Variants in NRDC observed in about 807,000 individuals in gnomAD.
The protein encoded by NRDC is nardilysin.
In NRDC, 54 loss-of-function variants were observed where a neutral mutation model predicts 147.1. That is an observed-to-expected ratio of 0.37 (90% confidence interval 0.29 to 0.46). The LOEUF (loss-of-function observed/expected upper bound fraction) is 0.46, where lower values mean the gene tolerates loss of function less well. Ranked by LOEUF, NRDC falls within the 20% of genes least tolerant of loss-of-function variation. The probability of loss-of-function intolerance (pLI) is 1.00; values close to 1 mark genes in which losing one functional copy is unlikely to be tolerated. For synonymous variants in NRDC, 440 were observed against 482.1 expected (o/e 0.91, Z 1.14); for missense variants, 1,082 against 1,370.6 (o/e 0.79, Z 3.33).
At chr1:51,872,399 T>A (rs925002819) in intron 1 of NRDC, among the ~76,000 whole-genome samples, 3 of 152,124 alleles carry the variant, frequency 2.0e-5, no homozygotes, top group Non-Finnish European at 4.4e-5. Context: ...TACTAGCCCA[T>A]CAGCCCACTT....
chr1:51,806,790 T>G lies in NRDC; in HGVS notation c.2110+4A>C. The G allele has an allele frequency of 6.2e-7, 1 of 1,613,002 alleles. No homozygotes were observed. The highest frequency in any genetic ancestry group is 8.5e-7 in the Non-Finnish European group (1 of 1,179,588). ...AGGGAAGTAACAGGAGGGCAACATT[T>G]TACCTTTGGGGATTTTGAATTTGTT... On this transcript the variant is annotated splice_donor_region_variant and intron_variant, in intron 18 of 30. Transcript: ENST00000352171.
At chr1:51,834,232 T>C (rs1680841388) in intron 3 of NRDC, 62 bp from the exon 4 acceptor site, 1 of 1,547,334 alleles carries the variant, frequency 6.5e-7, no homozygotes, top group Non-Finnish European at 8.8e-7. Context: ...TTATCACACA[T>C]GAACTTTCTT....
chr1:51,794,321 C>A (rs1678785643), intron 24 of NRDC, 151 bp downstream of exon 24: 1 of 723,786 alleles, frequency 1.4e-6, no homozygotes, highest in African/African-American at 1.8e-5. Flanking sequence ...ATTTTACCAA[C>A]AGGAGCAATT....
At chr1:51,834,823 A>C (rs1680873943) in intron 3 of NRDC, among the ~76,000 whole-genome samples, 1 of 152,180 alleles carries the variant, frequency 6.6e-6, no homozygotes, top group Non-Finnish European at 1.5e-5. Flanking sequence ...TCACAAACAT[A>C]TATGCAGATT....
chr1:51,820,372 G>A (rs576948573), intron 8 of NRDC, among the ~76,000 whole-genome samples: 1 of 152,246 alleles, frequency 6.6e-6, no homozygotes, highest in Non-Finnish European at 1.5e-5. Context: ...AAACACAGTT[G>A]ATGCAAATTA....
intron 5 of NRDC, 94 bp downstream of exon 5, chr1:51,827,702 A>C: frequency 1.1e-6 from 1 of 925,846 alleles, no homozygotes; most frequent in Non-Finnish European, 1.7e-6. Context: ...AAATATAAAG[A>C]TAAAATGGTC....
In NRDC at chr1:51,878,499, A is replaced by T; in HGVS notation, c.117T>A (p.Ser39=). The change falls in exon 1 of 31, where the codon TCT becomes TCA. Residue 39 remains serine (S), a synonymous_variant. Coordinates refer to ENST00000352171, the MANE Select transcript of NRDC (RefSeq NM_001101662.2). Reference sequence around the variant, plus strand: ...GAATAGGAAAGGGTCTGGCAGCAGCAGAGTCTTCGCACCGACCCCGCGTTT... The same window carrying T: ...GAATAGGAAAGGGTCTGGCAGCAGCTGAGTCTTCGCACCGACCCCGCGTTT... The part of the protein sequence containing the change: ...GIETRGRCED[S]AAARPFPILA... 1.2e-6 allele frequency: 2 copies of T among 1,613,884 alleles called. No individual in the cohort carries two copies. The highest frequency in any genetic ancestry group is 1.1e-5 in the South Asian group (1 of 91,064).
intron 1 of NRDC, among the ~76,000 whole-genome samples, chr1:51,871,219 A>AACTCGGGAAGT (rs1400105350): frequency 6.6e-6 from 1 of 152,132 alleles, no homozygotes; most frequent in Non-Finnish European, 1.5e-5. Flanking sequence ...TTGGAGGCTG[A>AACTCGGGAAGT]GGCACGAGAA....
At position 51,835,364 on chromosome 1, in the gene NRDC, T is replaced by C. The variant is rs569984362; in HGVS notation, c.712+767A>G. Among the ~76,000 whole-genome samples, 8 of 152,076 alleles carry C rather than the reference T, an allele frequency of 5.3e-5. No homozygotes were observed. The East Asian group carries it at 1.6e-3, about 30-fold the overall frequency. On this transcript the variant is annotated intron_variant, in intron 3 of 30. Transcript: ENST00000352171. ...GAGTGAGCCACCGCGCCCGGCCCCG[T>C]GTAAGTTTTATTTAGGTACATTCCA...
intron 1 of NRDC, among the ~76,000 whole-genome samples, chr1:51,870,956 T>C (rs1341223448): frequency 6.6e-6 from 1 of 152,112 alleles, no homozygotes; most frequent in African/African-American, 2.4e-5. Context: ...TGCACTGTTT[T>C]TATCCTAAAA....
In NRDC at chr1:51,878,663, T is replaced by A. The variant is rs966786307; in HGVS notation, c.-48A>T. The A allele has an allele frequency of 9.9e-6, 15 of 1,514,178 alleles. No homozygotes were observed. Among genetic ancestry groups the A allele is most frequent in the Non-Finnish European group, 1.1e-5 (12 of 1,114,122 alleles). 93.8% of individuals were successfully genotyped at this position (1,514,178 alleles called of 1,614,324 possible). A position where few individuals can be genotyped will look rare whatever the true frequency, so the allele number is the denominator to read the frequency against. ...GACATCCCGCTTCCCAGGACCCACC[T>A]CCTCCGCGTTCTAGAGGCGGTGGCG... is the stretch of plus-strand genomic sequence containing the variant. On this transcript the variant is annotated 5_prime_UTR_variant, in exon 1 of 31. Coordinates refer to ENST00000352171, the MANE Select transcript of NRDC (RefSeq NM_001101662.2).
Position 51,847,279 on chromosome 1 carries a change from C to G in NRDC, c.342-6765G>C, listed in dbSNP as rs927153028. Among the ~76,000 whole-genome samples the G allele has an allele frequency of 5.9e-5, 9 of 152,228 alleles. No individual in the cohort carries two copies. In the East Asian group the frequency reaches 1.2e-3, roughly 20 times the overall value. On this transcript the variant is annotated intron_variant, in intron 1 of 30. Coordinates refer to ENST00000352171, the MANE Select transcript of NRDC (RefSeq NM_001101662.2). ...CCCCCAGCTAGACATAAAGGTTCTC[C>G]GAGTCCCCACTAGACTCAGGATCCC... is the stretch of plus-strand genomic sequence containing the variant.
At chr1:51,801,742 T>TA (rs1679213258) in intron 20 of NRDC, among the ~76,000 whole-genome samples, 1 of 152,208 alleles carries the variant, frequency 6.6e-6, no homozygotes, top group Non-Finnish European at 1.5e-5. Flanking sequence ...GTGTTCATCA[T>TA]TTTATCAGTT....
intron 1 of NRDC, among the ~76,000 whole-genome samples, chr1:51,846,721 G>A (rs550482478): frequency 7.2e-5 from 11 of 152,230 alleles, no homozygotes; most frequent in East Asian, 3.8e-4. Context: ...CAACAGCGAT[G>A]GAACTCGACC....
At chr1:51,855,662 T>C (rs950419139) in intron 1 of NRDC, among the ~76,000 whole-genome samples, 1 of 151,852 alleles carries the variant, frequency 6.6e-6, no homozygotes, top group Admixed American at 6.6e-5. Flanking sequence ...AGCTTAAAAA[T>C]ATGTGCTATA....
intron 1 of NRDC, among the ~76,000 whole-genome samples, chr1:51,876,643 A>G (rs1227442812): frequency 1.3e-5 from 2 of 152,184 alleles, no homozygotes; most frequent in Non-Finnish European, 2.9e-5. Context: ...TTGATGAGAA[A>G]GAAAATTTAG....
At position 51,806,859 on chromosome 1, in the gene NRDC, T is replaced by G. The variant is rs1327558965; in HGVS notation, c.2045A>C (p.Lys682Thr). 3.1e-6 allele frequency: 5 copies of G among 1,614,150 alleles called. No homozygotes were observed. Among genetic ancestry groups the G allele is most frequent in the South Asian group, 2.2e-5 (2 of 91,076 alleles). The part of the protein sequence containing the change: ...FDCPETEYPV[K>T]IVNTPQGCLW... Reference sequence around the variant, plus strand: ...GCAACCTTGTGGAGTATTCACAATTTTAACTGGGTATTCTGTTTCCGGGCA... The same window carrying G: ...GCAACCTTGTGGAGTATTCACAATTGTAACTGGGTATTCTGTTTCCGGGCA... Residue 682 changes from lysine to threonine, a missense_variant, in exon 18 of 31, where the codon AAA becomes ACA. Physicochemically the swap from Lys to Thr is moderately conservative, Grantham distance 78. Around this residue, in one of 3 missense-constraint regions of NRDC, gnomAD observed 635 missense variants for 923.8 expected, o/e 0.69. Transcript: ENST00000352171.
At chr1:51,863,851 C>T (rs949536897) in intron 1 of NRDC, among the ~76,000 whole-genome samples, 2 of 152,150 alleles carry the variant, frequency 1.3e-5, no homozygotes, top group African/African-American at 4.8e-5. Context: ...AGATGCTCCT[C>T]GACTTACAAC....
chr1:51,873,937 C>T (rs1683205375), intron 1 of NRDC, among the ~76,000 whole-genome samples: 1 of 151,584 alleles, frequency 6.6e-6, no homozygotes, highest in African/African-American at 2.4e-5. Context: ...ACCTGTAATC[C>T]CAGCACTTTG....
Sources: gnomAD v4.1 joint callset for allele counts (sites outside exome capture counted in the v4.1 genomes callset) on GRCh38, gnomAD v4.1.1 for gene constraint, gnomAD v4.1.1 regional missense constraint, MANE v1.5 for transcripts, NCBI Gene and HGNC (gene_info 2026-07-23, HGNC 2026-07-21) for gene names.